Variants in TDRP observed in about 807,000 individuals in gnomAD.
TDRP encodes the protein testis development related protein, also known as testis development-related protein.
In TDRP, 12 loss-of-function variants were observed where a neutral mutation model predicts 10.5. The observed-to-expected ratio is 1.15, with a 90% CI of 0.73 to 1.86. The LOEUF (loss-of-function observed/expected upper bound fraction) is 1.86, where lower values mean the gene tolerates loss of function less well. Among genes scored for constraint, TDRP ranks in the 40% most tolerant of loss-of-function variants. TDRP has a pLI of 0.00. For synonymous variants in TDRP, 139 were observed against 95.4 expected (o/e 1.46, Z -2.67); for missense variants, 353 against 229.2 (o/e 1.54, Z -3.49).
At chr8:520,385 T>A (rs141080583) in intron 1 of TDRP, among the ~76,000 whole-genome samples, 28 of 152,336 alleles carry the variant, frequency 1.8e-4, no homozygotes, top group African/African-American at 6.5e-4. Flanking sequence ...TCTCCTCTTA[T>A]TATAAGTGGT....
chr8:508,187 C>A (rs1277132731), intron 1 of TDRP, among the ~76,000 whole-genome samples: 1 of 152,046 alleles, frequency 6.6e-6, no homozygotes, highest in Non-Finnish European at 1.5e-5. Context: ...CAAAAAGAAC[C>A]AACTGGAATT....
rs566033678 is a variant in TDRP, at chr8:517,605, C to G, written c.109-23008G>C. Among the ~76,000 whole-genome samples the G allele has an allele frequency of 9.2e-5, 14 of 152,248 alleles. 2 individuals carry two copies. Among genetic ancestry groups the G allele is most frequent in the African/African-American group, 3.4e-4 (14 of 41,566 alleles). ...ACCTACAACCTGGAAGCCCCCACTT[C>G]AAGATGTCCAGCCTTTCCAGGCCAA... On this transcript the variant is annotated intron_variant, in intron 1 of 2. Coordinates refer to ENST00000324079, the MANE Select transcript of TDRP (RefSeq NM_001384899.1).
chr8:530,687 G>A (rs116023008), intron 1 of TDRP, among the ~76,000 whole-genome samples: 63 of 152,242 alleles, frequency 4.1e-4, no homozygotes, highest in African/African-American at 1.4e-3. Context: ...GTCTGGCAGG[G>A]CAACAGGCTG....
chr8:491,462 G>C lies in TDRP; in HGVS notation c.*937C>G, dbSNP rs181646868. On this transcript the variant is annotated 3_prime_UTR_variant, in exon 3 of 3. Coordinates refer to ENST00000324079, the MANE Select transcript of TDRP (RefSeq NM_001384899.1). Reference sequence around the variant, plus strand: ...CGCGAGAGATGCTCTCAAACCGGTCGTCGATTATTCTTGTGGAAAAAACAC... The same window carrying C: ...CGCGAGAGATGCTCTCAAACCGGTCCTCGATTATTCTTGTGGAAAAAACAC... 2 of 692,540 alleles carry C rather than the reference G, an allele frequency of 2.9e-6. No individual in the cohort carries two copies. The highest frequency in any genetic ancestry group is 4.3e-6 in the Non-Finnish European group (2 of 461,420). The allele number at this position is 692,540 out of a possible 1,614,324, so 42.9% of individuals were successfully genotyped here. A position where few individuals can be genotyped will look rare whatever the true frequency, so the allele number is the denominator to read the frequency against.
chr8:515,523 C>A (rs145375532), intron 1 of TDRP, among the ~76,000 whole-genome samples: 9 of 152,248 alleles, frequency 5.9e-5, no homozygotes, highest in Middle Eastern at 3.4e-3. Context: ...GCATTTTTGT[C>A]GATCATCATG....
intron 1 of TDRP, among the ~76,000 whole-genome samples, chr8:536,279 C>T (rs887442288): frequency 6.6e-6 from 1 of 152,288 alleles, no homozygotes; most frequent in South Asian, 2.1e-4. Flanking sequence ...AAGAATCCAC[C>T]ACCGTCTTTA....
In TDRP at chr8:491,292, A is replaced by T. The variant is rs1800965531; in HGVS notation, c.*1107T>A. The T allele has an allele frequency of 4.0e-6, 1 of 247,550 alleles. No homozygotes were observed. The highest frequency in any genetic ancestry group is 2.2e-5 in the African/African-American group (1 of 45,318). 15.3% of individuals were successfully genotyped at this position (247,550 alleles called of 1,614,324 possible). ...ATTTTACTTTTAAACAAAAAAGAAA[A>T]ATATACCTTTTCTTTCAAACCACTT... On this transcript the variant is annotated 3_prime_UTR_variant, in exon 3 of 3. Transcript: ENST00000324079.
intron 1 of TDRP, among the ~76,000 whole-genome samples, chr8:536,985 C>G (rs917588040): frequency 8.5e-5 from 13 of 152,166 alleles, no homozygotes; most frequent in African/African-American, 3.1e-4. Context: ...ACTAACCCTA[C>G]AAATATCTGT....
chr8:508,445 G>C (rs1391505094), intron 1 of TDRP, among the ~76,000 whole-genome samples: 2 of 152,174 alleles, frequency 1.3e-5, no homozygotes, highest in African/African-American at 4.8e-5. Flanking sequence ...AAAAATGGTG[G>C]AAGGCAAAAG....
In TDRP at chr8:492,016, G is replaced by A. The variant is rs1800990842; in HGVS notation, c.*383C>T. ...CTGCATGACAGCTGCATTTATACGT[G>A]CTACATACAAGAAAAAGGTACGGAA... On this transcript the variant is annotated 3_prime_UTR_variant, in exon 3 of 3. Transcript: ENST00000324079. 8 of 1,112,608 alleles carry A rather than the reference G, an allele frequency of 7.2e-6. No individual in the cohort carries two copies. The South Asian group carries it at 2.4e-4, about 33-fold the overall frequency. 68.9% of individuals were successfully genotyped at this position (1,112,608 alleles called of 1,614,324 possible).
Position 534,962 on chromosome 8 carries a change from C to T in TDRP, c.108+9688G>A, listed in dbSNP as rs17065120. ...AACCAAGACACGCTCTGACTAAAAA[C>T]GACACAACGCATTCTGAGTAAAAAG... is the stretch of plus-strand genomic sequence containing the variant. On this transcript the variant is annotated intron_variant, in intron 1 of 2. Transcript: ENST00000324079. 3.9e-4 allele frequency among the ~76,000 whole-genome samples: 60 copies of T among 152,212 alleles called. 1 individual carries two copies. Among genetic ancestry groups the T allele is most frequent in the Middle Eastern group, 6.8e-3 (2 of 294 alleles).
intron 1 of TDRP, among the ~76,000 whole-genome samples, chr8:515,870 G>C (rs553942537): frequency 6.1e-4 from 93 of 152,018 alleles, no homozygotes; most frequent in African/African-American, 2.2e-3. Context: ...AAATGGGAGA[G>C]CATCAAAGAA....
intron 1 of TDRP, among the ~76,000 whole-genome samples, chr8:508,113 T>G (rs748239398): frequency 6.6e-6 from 1 of 152,008 alleles, no homozygotes; most frequent in Non-Finnish European, 1.5e-5. Flanking sequence ...GATAAAGATG[T>G]AAAGGAAGGT....
rs533343983 is a variant in TDRP, at chr8:514,693, C to T, written c.109-20096G>A. On this transcript the variant is annotated intron_variant, in intron 1 of 2. Transcript: ENST00000324079. ...CTCTCCACTACCAGTCACCTCAGTGCCTCAGTGGGGATGCAGCCTTTCCCT... is the reference window on the plus strand; with the variant it reads ...CTCTCCACTACCAGTCACCTCAGTGTCTCAGTGGGGATGCAGCCTTTCCCT... Among the ~76,000 whole-genome samples, 47 of 152,276 alleles carry T rather than the reference C, an allele frequency of 3.1e-4. 1 individual carries two copies. The South Asian group carries it at 9.1e-3, about 30-fold the overall frequency.
At chr8:492,865 T>G (rs1801020952) in intron 2 of TDRP, 121 bp from the exon 3 acceptor site, 1 of 784,606 alleles carries the variant, frequency 1.3e-6, no homozygotes, top group South Asian at 2.5e-5. Flanking sequence ...CTAACACAAG[T>G]CTATATGAAA....
At chr8:494,899 G>C (rs1448844114) in intron 1 of TDRP, 2 of 225,864 alleles carry the variant, frequency 8.9e-6, no homozygotes, top group South Asian at 1.6e-4. Context: ...AAAATCAGAC[G>C]AAGCTTCCCT....
intron 2 of TDRP, 93 bp from the exon 3 acceptor site, chr8:492,837 A>T (rs1801020182): frequency 4.7e-6 from 5 of 1,056,322 alleles, no homozygotes; most frequent in Non-Finnish European, 6.6e-6. Flanking sequence ...TTAAAATTTT[A>T]AAAAATTGTT....
In TDRP at chr8:491,279, A is replaced by C. The variant is rs1190373429; in HGVS notation, c.*1120T>G. 1 of 212,790 alleles carries C rather than the reference A, an allele frequency of 4.7e-6. No homozygotes were observed. The highest frequency in any genetic ancestry group is 9.2e-6 in the Non-Finnish European group (1 of 108,438). 13.2% of individuals were successfully genotyped at this position (212,790 alleles called of 1,614,324 possible). A position where few individuals can be genotyped will look rare whatever the true frequency, so the allele number is the denominator to read the frequency against. On this transcript the variant is annotated 3_prime_UTR_variant, in exon 3 of 3. Transcript: ENST00000324079. ...AACTGGAGGTTTTATTTTACTTTTA[A>C]ACAAAAAAGAAAAATATACCTTTTC...
intron 1 of TDRP, among the ~76,000 whole-genome samples, chr8:508,240 A>G (rs1033062324): frequency 1.3e-5 from 2 of 152,358 alleles, no homozygotes; most frequent in African/African-American, 4.8e-5. Flanking sequence ...AATATTCACT[A>G]GAGGGGTTTT....
Sources: gnomAD v4.1 joint callset for allele counts (sites outside exome capture counted in the v4.1 genomes callset) on GRCh38, gnomAD v4.1.1 for gene constraint, MANE v1.5 for transcripts, NCBI Gene and HGNC (gene_info 2026-07-23, HGNC 2026-07-21) for gene names.